Variants in CLIC4 observed in about 807,000 individuals in gnomAD.
The protein encoded by CLIC4 is CLIC family member 4, also known as chloride intracellular channel protein 4.
In CLIC4, 13 loss-of-function variants were observed where a neutral mutation model predicts 24.6. The ratio of observed to expected loss-of-function variants is 0.53; its 90% CI spans 0.34 to 0.84. The LOEUF (loss-of-function observed/expected upper bound fraction) is 0.84, where lower values mean the gene tolerates loss of function less well. Ranked by LOEUF, CLIC4 falls within the 40% of genes least tolerant of loss-of-function variation. The pLI is 0.01. For synonymous variants in CLIC4, 104 were observed against 111.3 expected, an observed-to-expected ratio of 0.93 and a Z score of 0.41; for missense variants, 227 against 301.7, an observed-to-expected ratio of 0.75 and a Z score of 1.83.
At chr1:24,745,741 G>C (rs2124069297) in intron 1 of CLIC4, 116 bp downstream of exon 1, 1 of 754,012 alleles carries the variant, frequency 1.3e-6, no homozygotes, top group Admixed American at 4.4e-5. Flanking sequence ...CACCCGTCCC[G>C]CTGCGGGCAC....
intron 1 of CLIC4, among the ~76,000 whole-genome samples, chr1:24,783,898 C>T (rs914622788): frequency 2.0e-5 from 3 of 152,038 alleles, no homozygotes; most frequent in Non-Finnish European, 4.4e-5. Flanking sequence ...AAATTTGACC[C>T]TAACAAACAG....
chr1:24,754,845 G>A (rs376868083), intron 1 of CLIC4, among the ~76,000 whole-genome samples: 1 of 152,062 alleles, frequency 6.6e-6, no homozygotes. Flanking sequence ...ACCGAGGTGG[G>A]TGGATCGCCT....
At chr1:24,789,292 C>T (rs562411107) in intron 1 of CLIC4, among the ~76,000 whole-genome samples, 2 of 152,228 alleles carry the variant, frequency 1.3e-5, no homozygotes, top group East Asian at 1.9e-4. Context: ...CCGAGGTGGG[C>T]GAATCACTTG....
At chr1:24,792,624 T>A (rs1571245775) in intron 1 of CLIC4, among the ~76,000 whole-genome samples, 1 of 152,206 alleles carries the variant, frequency 6.6e-6, no homozygotes, top group Non-Finnish European at 1.5e-5. Context: ...ATTTGACTTG[T>A]CATTAGTGGT....
chr1:24,767,839 T>TTA (rs919937670), intron 1 of CLIC4, among the ~76,000 whole-genome samples: 17 of 150,926 alleles, frequency 1.1e-4, no homozygotes, highest in Admixed American at 6.6e-4. Flanking sequence ...TTAATTAAAA[T>TTA]TATATATATA....
chr1:24,824,511 G>A (rs1181190232), intron 3 of CLIC4, among the ~76,000 whole-genome samples: 3 of 151,974 alleles, frequency 2.0e-5, no homozygotes, highest in African/African-American at 7.3e-5. Context: ...CAATTGATCC[G>A]CCCACCTTGG....
chr1:24,820,890 T>G (rs1223191850), intron 3 of CLIC4, among the ~76,000 whole-genome samples: 1 of 152,130 alleles, frequency 6.6e-6, no homozygotes, highest in African/African-American at 2.4e-5. Context: ...ACAACAACAA[T>G]GAAGACTTTT....
rs780935783 is a variant in CLIC4, at chr1:24,754,814, G to A, written c.72+9189G>A. 8.2e-4 allele frequency among the ~76,000 whole-genome samples: 125 copies of A among 152,080 alleles called. 2 individuals are homozygous for A. Among genetic ancestry groups the A allele is most frequent in the Non-Finnish European group, 2.4e-4 (16 of 68,032 alleles). On this transcript the variant is annotated intron_variant, in intron 1 of 5. Transcript: ENST00000374379. ...AGGCCCACTGCCATGGCTCACACCT[G>A]TAATCCCAGCACTTTGGGAGACCGA...
At chr1:24,765,388 AAAG>A (rs1156262924) in intron 1 of CLIC4, among the ~76,000 whole-genome samples, 2 of 152,194 alleles carry the variant, frequency 1.3e-5, no homozygotes, top group Non-Finnish European at 2.9e-5. Flanking sequence ...GTTGGGAGGA[AAAG>A]AAGAACTAAA....
chr1:24,758,645 C>T (rs1557794871), intron 1 of CLIC4, among the ~76,000 whole-genome samples: 1 of 151,936 alleles, frequency 6.6e-6, no homozygotes, highest in East Asian at 1.9e-4. Context: ...TTAGTAGAGA[C>T]AGGGTTTCGC....
chr1:24,755,656 G>A (rs1478098971), intron 1 of CLIC4, among the ~76,000 whole-genome samples: 1 of 150,704 alleles, frequency 6.6e-6, no homozygotes, highest in Non-Finnish European at 1.5e-5. Flanking sequence ...GCCTTATATG[G>A]TTTCTGTTTT....
intron 4 of CLIC4, among the ~76,000 whole-genome samples, chr1:24,833,975 C>T (rs1269846731): frequency 0.013 from 6 of 458 alleles, no homozygotes; most frequent in African/African-American, 0.022. Context: ...CCCCCCCCAC[C>T]TCCCTCCCGG....
At chr1:24,753,569 A>T (rs1229538114) in intron 1 of CLIC4, among the ~76,000 whole-genome samples, 4 of 152,246 alleles carry the variant, frequency 2.6e-5, no homozygotes, top group Non-Finnish European at 5.9e-5. Flanking sequence ...GAAACTCCTT[A>T]TGCAGGAAAC....
intron 4 of CLIC4, among the ~76,000 whole-genome samples, chr1:24,836,683 C>A (rs992820395): frequency 6.6e-6 from 1 of 152,022 alleles, no homozygotes; most frequent in African/African-American, 2.4e-5. Flanking sequence ...ACAAAAAATA[C>A]AAAAATTTGA....
At chr1:24,835,143 A>C (rs1026078969) in intron 4 of CLIC4, among the ~76,000 whole-genome samples, 1 of 152,230 alleles carries the variant, frequency 6.6e-6, no homozygotes, top group Non-Finnish European at 1.5e-5. Context: ...CTAAGAAATA[A>C]GCTAACTTGA....
intron 1 of CLIC4, among the ~76,000 whole-genome samples, chr1:24,782,994 A>G (rs981562518): frequency 2.0e-5 from 3 of 152,132 alleles, no homozygotes; most frequent in Admixed American, 6.5e-5. Flanking sequence ...AAAACCCAAC[A>G]AAACAAAAAC....
intron 2 of CLIC4, among the ~76,000 whole-genome samples, chr1:24,803,053 C>T (rs1010322019): frequency 6.6e-6 from 1 of 151,988 alleles, no homozygotes. Flanking sequence ...CAGTCTTGAA[C>T]AAAATTTTAA....
rs1292276088 is a variant in CLIC4, at chr1:24,842,347, TCTACGTA to T, written c.*1415_*1421del. 2 of 152,216 alleles carry T rather than the reference TCTACGTA, an allele frequency of 1.3e-5. No individual in the cohort carries two copies. The highest frequency in any genetic ancestry group is 2.9e-5 in the Non-Finnish European group (2 of 68,036). The allele number at this position is 152,216 out of a possible 1,614,324, so 9.4% of individuals were successfully genotyped here. ...AAAAGACAAAAGCAAAACCAGACTT[TCTACGTA>T]CTACTCCAAAGACTGTGATTGTGAC... On this transcript the variant is annotated 3_prime_UTR_variant, in exon 6 of 6. Transcript: ENST00000374379.
At chr1:24,809,843 C>T (rs1212590225) in intron 2 of CLIC4, among the ~76,000 whole-genome samples, 1 of 152,168 alleles carries the variant, frequency 6.6e-6, no homozygotes, top group South Asian at 2.1e-4. Flanking sequence ...AACTTAATAA[C>T]AAGATAAACA....
Sources: gnomAD v4.1 joint callset for allele counts (sites outside exome capture counted in the v4.1 genomes callset) on GRCh38, gnomAD v4.1.1 for gene constraint, MANE v1.5 for transcripts, NCBI Gene and HGNC (gene_info 2026-07-23, HGNC 2026-07-21) for gene names.